The following STK3 variants were observed in gnomAD, a reference collection of about 807,000 sequenced individuals.
STK3 encodes serine/threonine-protein kinase 3.
Under a neutral mutation model 58.0 loss-of-function variants are expected in STK3, and 41 were observed. The ratio of observed to expected loss-of-function variants is 0.71; its 90% CI spans 0.55 to 0.92. The LOEUF (loss-of-function observed/expected upper bound fraction) is 0.92. Among genes scored for constraint, STK3 ranks in the 40% least tolerant of loss-of-function variants. The pLI, the probability that STK3 is intolerant of heterozygous loss-of-function variation, is 0.00. For synonymous variants in STK3, 170 were observed against 191.0 expected, an observed-to-expected ratio of 0.89 and a Z score of 0.91; for missense variants, 479 against 602.7, an observed-to-expected ratio of 0.79 and a Z score of 2.15.
intron 6 of STK3, among the ~76,000 whole-genome samples, chr8:98,703,506 C>T (rs1317440954): frequency 6.6e-6 from 1 of 152,198 alleles, no homozygotes; most frequent in African/African-American, 2.4e-5. Context: ...TCTCTAACCT[C>T]CTGAGATTCT....
intron 10 of STK3, among the ~76,000 whole-genome samples, chr8:98,477,065 C>A (rs566940456): frequency 6.6e-6 from 1 of 152,190 alleles, no homozygotes; most frequent in South Asian, 2.1e-4. Context: ...GGACGGGAAG[C>A]TGAGACCGAG....
intron 1 of STK3, 93 bp downstream of exon 1, chr8:98,825,422 G>C (rs1318523128): frequency 1.5e-5 from 18 of 1,199,342 alleles, no homozygotes; most frequent in Non-Finnish European, 1.8e-5. Context: ...CCGGCGGGCG[G>C]GGAGAGGCTC....
chr8:98,389,382 A>G (rs945804056), upstream of STK3, among the ~76,000 whole-genome samples: 2 of 152,166 alleles, frequency 1.3e-5, no homozygotes, highest in South Asian at 2.1e-4. Flanking sequence ...TTCTTTATCA[A>G]TTCTCCCCTC....
chr8:98,894,533 A>G (rs987237673), intron 1 of STK3, among the ~76,000 whole-genome samples: 3 of 152,158 alleles, frequency 2.0e-5, no homozygotes, highest in African/African-American at 7.2e-5. Flanking sequence ...TCCCCCTTAA[A>G]GTGCTCTGTT....
intron 4 of STK3, among the ~76,000 whole-genome samples, chr8:98,720,363 A>G (rs1827309852): frequency 6.6e-6 from 1 of 152,356 alleles, no homozygotes; most frequent in South Asian, 2.1e-4. Flanking sequence ...ACAACTACTA[A>G]GTAGCAAACC....
intron 4 of STK3, chr8:98,721,177 A>G: frequency 2.2e-6 from 2 of 909,840 alleles, no homozygotes; most frequent in Non-Finnish European, 2.6e-6. Context: ...AAACAAATAT[A>G]TAAATCAAAG....
intron 1 of STK3, among the ~76,000 whole-genome samples, chr8:98,941,554 G>A (rs1475711266): frequency 6.6e-6 from 1 of 152,236 alleles, no homozygotes; most frequent in Non-Finnish European, 1.5e-5. Flanking sequence ...TCGAGGATCC[G>A]AGTCCGAGTG....
intron 1 of STK3, among the ~76,000 whole-genome samples, chr8:98,904,133 AC>A (rs947416732): frequency 3.3e-5 from 5 of 152,022 alleles, no homozygotes; most frequent in Admixed American, 2.0e-4. Flanking sequence ...AAACAACACA[AC>A]CCCCAATGGT....
chr8:98,807,248 G>A (rs1050324655), intron 1 of STK3, among the ~76,000 whole-genome samples: 1 of 151,424 alleles, frequency 6.6e-6, no homozygotes, highest in South Asian at 2.1e-4. Context: ...TTGGGTTTTT[G>A]GTTTTGGGGG....
chr8:98,385,831 C>T (rs1472766096), intron 1 of STK3, among the ~76,000 whole-genome samples: 2 of 152,084 alleles, frequency 1.3e-5, no homozygotes, highest in Non-Finnish European at 2.9e-5. Flanking sequence ...AATTCACCAG[C>T]GCTCCTTGCC....
intron 6 of STK3, among the ~76,000 whole-genome samples, chr8:98,652,605 C>A (rs1799603708): frequency 6.9e-6 from 1 of 145,560 alleles, no homozygotes; most frequent in African/African-American, 2.6e-5. Context: ...TGCAGAGACA[C>A]ACATAGGCTC....
intron 10 of STK3, among the ~76,000 whole-genome samples, chr8:98,489,950 A>G (rs1208390222): frequency 2.0e-5 from 3 of 152,214 alleles, no homozygotes; most frequent in African/African-American, 7.2e-5. Flanking sequence ...ATTAATGATC[A>G]ATAGAGAGCA....
chr8:98,804,701 TC>T (rs2131641971), intron 1 of STK3, among the ~76,000 whole-genome samples: 1 of 152,324 alleles, frequency 6.6e-6, no homozygotes, highest in South Asian at 2.1e-4. Context: ...GTTTCTCTTC[TC>T]CCAGTGCTAT....
At chr8:98,637,206 C>T (rs1047207208) in intron 6 of STK3, among the ~76,000 whole-genome samples, 2 of 151,944 alleles carry the variant, frequency 1.3e-5, no homozygotes, top group East Asian at 1.9e-4. Flanking sequence ...ATGAACCAGG[C>T]CTGGATTCCC....
At chr8:98,464,540 T>TAAAAAAAAA in intron 10 of STK3, among the ~76,000 whole-genome samples, 279 of 68,888 alleles carry the variant, frequency 4.1e-3, no homozygotes, top group Middle Eastern at 0.023. Flanking sequence ...TACTTAAAGT[T>TAAAAAAAAA]AAAAAAAAAA....
intron 6 of STK3, among the ~76,000 whole-genome samples, chr8:98,692,670 C>T (rs541755956): frequency 3.9e-5 from 6 of 151,970 alleles, no homozygotes; most frequent in African/African-American, 1.4e-4. Context: ...TGTAAATGTA[C>T]TTTATGGCAA....
chr8:98,415,043 T>C (rs1328422636), intron 3 of STK3, among the ~76,000 whole-genome samples: 1 of 152,238 alleles, frequency 6.6e-6, no homozygotes, highest in East Asian at 1.9e-4. Flanking sequence ...GATTAAATCA[T>C]GAGGGTTGTA....
At chr8:98,724,864 A>G (rs900268816) in intron 4 of STK3, among the ~76,000 whole-genome samples, 4 of 152,202 alleles carry the variant, frequency 2.6e-5, no homozygotes, top group African/African-American at 9.6e-5. Flanking sequence ...CGTAGGTCTT[A>G]AAGACTATCT....
At chr8:98,838,580 C>T (rs1406311764) in intron 3 of STK3, among the ~76,000 whole-genome samples, 1 of 152,184 alleles carries the variant, frequency 6.6e-6, no homozygotes, top group African/African-American at 2.4e-5. Context: ...CTGCAGTAAA[C>T]TCAGCTGCCC....
Sources: allele counts gnomAD v4.1 joint callset (sites outside exome capture counted in the v4.1 genomes callset), GRCh38; gene constraint gnomAD v4.1.1; transcripts MANE v1.5; gene names NCBI Gene and HGNC (gene_info 2026-07-23, HGNC 2026-07-21).